SEC63: variants seen among roughly 807,000 people sequenced by gnomAD.
SEC63 encodes translocation protein SEC63 homolog.
In SEC63, 56 loss-of-function variants were observed where a neutral mutation model predicts 116.2. The observed-to-expected ratio is 0.48, with a 90% CI of 0.39 to 0.60. The LOEUF (loss-of-function observed/expected upper bound fraction) is 0.60, where lower values mean the gene tolerates loss of function less well. Among genes scored for constraint, SEC63 ranks in the 20% least tolerant of loss-of-function variants. SEC63 has a pLI of 0.00. For synonymous variants in SEC63, 273 were observed against 294.6 expected (o/e 0.93, Z 0.75); for missense variants, 668 against 900.0 (o/e 0.74, Z 3.30).
intron 14 of SEC63, among the ~76,000 whole-genome samples, chr6:107,896,167 A>G (rs760118059): frequency 2.0e-5 from 3 of 151,990 alleles, no homozygotes; most frequent in Admixed American, 6.5e-5. Context: ...CCGTGTCTCA[A>G]CAAAAAATAA....
intron 4 of SEC63, among the ~76,000 whole-genome samples, 171 bp downstream of exon 4, chr6:107,921,626 A>AT (rs978001933): frequency 2.6e-5 from 4 of 151,820 alleles, no homozygotes; most frequent in Non-Finnish European, 2.9e-5. Flanking sequence ...TAATTCTTTT[A>AT]TTTTTTGTAG....
At chr6:107,889,744 T>C (rs1786635168) in intron 16 of SEC63, among the ~76,000 whole-genome samples, 2 of 152,150 alleles carry the variant, frequency 1.3e-5, no homozygotes, top group South Asian at 4.2e-4. Flanking sequence ...CTCTACACAC[T>C]GCTTCAAATG....
chr6:107,890,481 C>T (rs938054701), intron 16 of SEC63, among the ~76,000 whole-genome samples: 16 of 152,148 alleles, frequency 1.1e-4, no homozygotes, highest in African/African-American at 3.6e-4. Flanking sequence ...TGAGATGGGT[C>T]TCCTGAATAC....
intron 18 of SEC63, among the ~76,000 whole-genome samples, chr6:107,877,612 T>C (rs1459016667): frequency 2.0e-5 from 3 of 152,106 alleles, no homozygotes; most frequent in Non-Finnish European, 4.4e-5. Flanking sequence ...GGCTAATTTT[T>C]GCATTTTTTG....
intron 1 of SEC63, chr6:107,957,315 C>T (rs1194257597): frequency 1.3e-5 from 2 of 152,228 alleles, no homozygotes; most frequent in African/African-American, 4.8e-5. Flanking sequence ...TTGCTTCCAA[C>T]CCCCACAGTG....
At chr6:107,921,525 C>A (rs1787556001) in intron 4 of SEC63, among the ~76,000 whole-genome samples, 1 of 151,354 alleles carries the variant, frequency 6.6e-6, no homozygotes, top group Non-Finnish European at 1.5e-5. Flanking sequence ...GGTCACGGCT[C>A]ACTGCAGCCT....
At chr6:107,908,564 T>C (rs893377169) in intron 8 of SEC63, among the ~76,000 whole-genome samples, 7 of 152,196 alleles carry the variant, frequency 4.6e-5, no homozygotes, top group African/African-American at 1.7e-4. Context: ...TAAGATGTAC[T>C]GTAAAACAGC....
At chr6:107,908,710 C>G (rs560137639) in intron 8 of SEC63, among the ~76,000 whole-genome samples, 1 of 152,162 alleles carries the variant, frequency 6.6e-6, no homozygotes, top group South Asian at 2.1e-4. Flanking sequence ...GGTAAAATTT[C>G]TGATGAAATA....
chr6:107,919,051 C>T (rs1375889484), intron 4 of SEC63, among the ~76,000 whole-genome samples: 1 of 151,860 alleles, frequency 6.6e-6, no homozygotes, highest in Non-Finnish European at 1.5e-5. Context: ...GCTGGGATTA[C>T]AGGCATGCCC....
chr6:107,888,879 T>G (rs1044038469), intron 16 of SEC63, among the ~76,000 whole-genome samples: 1 of 152,224 alleles, frequency 6.6e-6, no homozygotes, highest in Non-Finnish European at 1.5e-5. Context: ...TCTGTTTATG[T>G]GATGGATTAC....
rs115493140 is a variant in SEC63, at chr6:107,915,312, C to T, written c.453-1885G>A. 3.3e-3 allele frequency among the ~76,000 whole-genome samples: 501 copies of T among 152,094 alleles called. 8 individuals carry two copies. Among genetic ancestry groups the T allele is most frequent in the African/African-American group, 0.012 (492 of 41,484 alleles). On this transcript the variant is annotated intron_variant, in intron 4 of 20. Coordinates refer to ENST00000369002, the MANE Select transcript of SEC63 (RefSeq NM_007214.5). ...ACCCCTTTGCCCTGGGAAAAATGCACATTACAAAGACACATAAATTTTGTA... is the reference window on the plus strand; with the variant it reads ...ACCCCTTTGCCCTGGGAAAAATGCATATTACAAAGACACATAAATTTTGTA...
Position 107,868,195 on chromosome 6 carries a change from TC to T in SEC63, c.*3508del, listed in dbSNP as rs780704813. 3.4e-5 allele frequency: 5 copies of T among 148,244 alleles called. No individual in the cohort carries two copies. The highest frequency in any genetic ancestry group is 6.8e-5 in the Admixed American group (1 of 14,604). 9.2% of individuals were successfully genotyped at this position (148,244 alleles called of 1,614,324 possible). On this transcript the variant is annotated 3_prime_UTR_variant, in exon 21 of 21. Transcript: ENST00000369002. Reference sequence around the variant, plus strand: ...AAATAGAGGATTTCATGGAGTTAAATCAGACCGTTTGTGGGAAAATTGTTTC... The same window carrying T: ...AAATAGAGGATTTCATGGAGTTAAATAGACCGTTTGTGGGAAAATTGTTTC...
intron 1 of SEC63, among the ~76,000 whole-genome samples, chr6:107,930,524 T>A (rs1216539794): frequency 6.6e-6 from 1 of 151,516 alleles, no homozygotes; most frequent in African/African-American, 2.4e-5. Context: ...GGAGAACTGC[T>A]TGAACCTGGG....
intron 18 of SEC63, chr6:107,880,935 ATACT>A: frequency 2.0e-6 from 1 of 495,458 alleles, no homozygotes; most frequent in African/African-American, 1.9e-5. Context: ...AACCACAGAA[ATACT>A]TAAGAAGCTA....
At chr6:107,939,254 G>T (rs1770319549) in intron 1 of SEC63, among the ~76,000 whole-genome samples, 2 of 152,052 alleles carry the variant, frequency 1.3e-5, no homozygotes, top group African/African-American at 4.8e-5. Flanking sequence ...CTGCAGTTCA[G>T]CCTGGCAATG....
intron 18 of SEC63, 101 bp downstream of exon 18, chr6:107,881,048 A>G (rs1273175932): frequency 4.8e-6 from 4 of 829,430 alleles, no homozygotes; most frequent in South Asian, 4.0e-5. Flanking sequence ...CATTTAGCAC[A>G]TATGAACTAA....
chr6:107,904,946 CATA>C (rs1000214090), intron 10 of SEC63, among the ~76,000 whole-genome samples: 55 of 152,264 alleles, frequency 3.6e-4, no homozygotes, highest in African/African-American at 1.3e-3. Flanking sequence ...TTTTTAATAT[CATA>C]ATGTTAGGCT....
In SEC63 at chr6:107,880,664, C is replaced by T. The variant is rs9637996; in HGVS notation, c.1935+485G>A. ...TTGGTCCCACAGCCATGGGCTCACACATTTCCATGGACTGGGACAACAATG... is the reference window on the plus strand; with the variant it reads ...TTGGTCCCACAGCCATGGGCTCACATATTTCCATGGACTGGGACAACAATG... On this transcript the variant is annotated intron_variant, in intron 18 of 20. Coordinates refer to ENST00000369002, the MANE Select transcript of SEC63 (RefSeq NM_007214.5). 8.0e-3 allele frequency among the ~76,000 whole-genome samples: 1,213 copies of T among 152,286 alleles called. 85 individuals carry two copies. The East Asian group carries it at 0.16, about 20-fold the overall frequency.
At chr6:107,908,201 A>C (rs540326588) in intron 8 of SEC63, among the ~76,000 whole-genome samples, 3 of 152,110 alleles carry the variant, frequency 2.0e-5, no homozygotes, top group South Asian at 2.1e-4. Flanking sequence ...ACATTCTTTT[A>C]TTTTATTTTT....
Sources: allele counts gnomAD v4.1 joint callset (sites outside exome capture counted in the v4.1 genomes callset), GRCh38; gene constraint gnomAD v4.1.1; transcripts MANE v1.5; gene names NCBI Gene and HGNC (gene_info 2026-07-23, HGNC 2026-07-21).